POU2AF2: variants seen among roughly 807,000 people sequenced by gnomAD.
POU2AF2 encodes POU class 2 homeobox associating factor 2.
the POU2AF2 span, among the ~76,000 whole-genome samples, chr11:111,280,057 A>AAAATATATATATATATATAT: frequency 6.5e-5 from 5 of 76,498 alleles, no homozygotes; most frequent in East Asian, 3.1e-4. Flanking sequence ...AAAAAAAAAA[A>AAAATATATATATATATATAT]ATATATATAT....
the POU2AF2 span, among the ~76,000 whole-genome samples, chr11:111,276,767 A>G: frequency 6.6e-6 from 1 of 151,512 alleles, no homozygotes; most frequent in East Asian, 1.9e-4. Flanking sequence ...AAAAAAAACT[A>G]CAAAGTTAAA....
chr11:111,247,878 CTTT>C, the POU2AF2 span, among the ~76,000 whole-genome samples: 4 of 115,014 alleles, frequency 3.5e-5, no homozygotes, highest in Admixed American at 1.0e-4. Context: ...TATAAGTGGC[CTTT>C]TTTTTTTTTT....
the POU2AF2 span, among the ~76,000 whole-genome samples, chr11:111,268,204 G>C: frequency 6.6e-6 from 1 of 152,310 alleles, no homozygotes; most frequent in East Asian, 1.9e-4. Flanking sequence ...TTGAATCTGT[G>C]ATGGGAAAAA....
At chr11:111,265,388 G>A in the POU2AF2 span, among the ~76,000 whole-genome samples, 2 of 151,834 alleles carry the variant, frequency 1.3e-5, no homozygotes, top group Admixed American at 6.6e-5. Flanking sequence ...TGTTCCTTTC[G>A]GAGCCTCCAG....
the POU2AF2 span, among the ~76,000 whole-genome samples, chr11:111,270,152 G>A: frequency 4.6e-5 from 7 of 152,162 alleles, no homozygotes; most frequent in Non-Finnish European, 2.9e-5. Flanking sequence ...CCACCCCAGT[G>A]AGTTTCATGT....
chr11:111,266,212 A>C, the POU2AF2 span, among the ~76,000 whole-genome samples: 1 of 152,118 alleles, frequency 6.6e-6, no homozygotes, highest in Non-Finnish European at 1.5e-5. Context: ...TGAAGCCTGC[A>C]TTTCCTGAAT....
the POU2AF2 span, among the ~76,000 whole-genome samples, chr11:111,250,599 C>T: frequency 6.6e-6 from 1 of 152,168 alleles, no homozygotes; most frequent in Non-Finnish European, 1.5e-5. Context: ...AAGAAGCAGA[C>T]AGACAATAAA....
chr11:111,262,189 G>T, the POU2AF2 span, among the ~76,000 whole-genome samples: 1 of 152,192 alleles, frequency 6.6e-6, no homozygotes, highest in African/African-American at 2.4e-5. Flanking sequence ...TTATTTTGGA[G>T]GGTTAATATT....
the POU2AF2 span, among the ~76,000 whole-genome samples, chr11:111,264,633 GAGAAAGA>G: frequency 3.2e-5 from 1 of 31,732 alleles, no homozygotes; most frequent in Non-Finnish European, 7.4e-5. Context: ...AAGAAAGAAA[GAGAAAGA>G]AAGAGAGAAA....
At chr11:111,279,973 G>A in the POU2AF2 span, among the ~76,000 whole-genome samples, 5 of 149,122 alleles carry the variant, frequency 3.4e-5, no homozygotes, top group Non-Finnish European at 1.5e-5. Context: ...TCCGGGAGGT[G>A]GAAGTTGCAG....
At chr11:111,271,732 G>T in the POU2AF2 span, among the ~76,000 whole-genome samples, 2 of 152,174 alleles carry the variant, frequency 1.3e-5, no homozygotes, top group Non-Finnish European at 2.9e-5. Flanking sequence ...CACAAAAAAG[G>T]CTAGGCATGG....
At chr11:111,274,908 C>CA in the POU2AF2 span, among the ~76,000 whole-genome samples, 2 of 152,054 alleles carry the variant, frequency 1.3e-5, no homozygotes, top group African/African-American at 2.4e-5. Flanking sequence ...GAAGGGAAAT[C>CA]AGGTTATTCT....
the POU2AF2 span, among the ~76,000 whole-genome samples, chr11:111,264,492 GAAAGAAAGA>G: frequency 2.1e-4 from 1 of 4,774 alleles, no homozygotes; most frequent in South Asian, 0.022. Flanking sequence ...CAAGACTCAC[GAAAGAAAGA>G]AAGAAAGAAA....
chr11:111,280,078 A>G, the POU2AF2 span, among the ~76,000 whole-genome samples: 1 of 129,636 alleles, frequency 7.7e-6, no homozygotes, highest in Non-Finnish European at 1.7e-5. Flanking sequence ...ATATATATAT[A>G]TATCTTTTGG....
At chr11:111,264,893 AGAAG>A in the POU2AF2 span, among the ~76,000 whole-genome samples, 4 of 139,770 alleles carry the variant, frequency 2.9e-5, no homozygotes, top group South Asian at 1.1e-3. Context: ...AAAAGAAAAG[AGAAG>A]GAAGGAAGGA....
the POU2AF2 span, among the ~76,000 whole-genome samples, chr11:111,283,181 G>C: frequency 1.3e-5 from 2 of 150,384 alleles, no homozygotes; most frequent in Non-Finnish European, 2.9e-5. Context: ...TGGGACTACA[G>C]CAGCTGTGAT....
At chr11:111,255,360 G>T in the POU2AF2 span, among the ~76,000 whole-genome samples, 1 of 152,184 alleles carries the variant, frequency 6.6e-6, no homozygotes, top group African/African-American at 2.4e-5. Flanking sequence ...TATAGTAAGT[G>T]CTCAATAAAT....
chr11:111,273,706 A>G, the POU2AF2 span, among the ~76,000 whole-genome samples: 2 of 152,226 alleles, frequency 1.3e-5, no homozygotes, highest in Admixed American at 6.5e-5. Flanking sequence ...ATATTATTAT[A>G]GGATAATAAA....
the POU2AF2 span, among the ~76,000 whole-genome samples, chr11:111,277,160 T>A: frequency 6.6e-6 from 1 of 152,236 alleles, no homozygotes; most frequent in Non-Finnish European, 1.5e-5. Context: ...TTGTAGGTTT[T>A]GTTAAATATA....
Sources: allele counts gnomAD v4.1 joint callset (sites outside exome capture counted in the v4.1 genomes callset), GRCh38; gene constraint gnomAD v4.1.1; transcripts MANE v1.5; gene names NCBI Gene and HGNC (gene_info 2026-07-23, HGNC 2026-07-21).